The following LEF1 variants were observed in gnomAD, a reference collection of about 807,000 sequenced individuals.
LEF1 encodes the protein lymphoid enhancer binding factor 1.
Under a neutral mutation model 51.2 loss-of-function variants are expected in LEF1, and 14 were observed. The ratio of observed to expected loss-of-function variants is 0.27; its 90% CI spans 0.18 to 0.43. The LOEUF is 0.43. Among genes scored for constraint, LEF1 ranks in the 20% least tolerant of loss-of-function variants. The probability of loss-of-function intolerance (pLI) is 1.00; values close to 1 mark genes in which losing one functional copy is unlikely to be tolerated. For synonymous variants in LEF1, 185 were observed against 183.2 expected (o/e 1.01, Z -0.08); for missense variants, 386 against 512.0 (o/e 0.75, Z 2.37).
intron 3 of LEF1, among the ~76,000 whole-genome samples, chr4:108,157,356 C>G (rs1744799476): frequency 6.6e-6 from 1 of 152,016 alleles, no homozygotes; most frequent in South Asian, 2.1e-4. Flanking sequence ...CCAAGCCCAG[C>G]TAATTTTTGT....
At position 108,064,351 on chromosome 4, in the gene LEF1, G is replaced by A. The variant is rs759447310; in HGVS notation, c.1150C>T (p.Gln384Ter). ...TGGTGCCTACCTGATGCAGATTCCT[G>A]TAGTTTCTCTCTCTTCCTCTTCTTT... ...KKKKRKREKL[Q>*]ESASGTGPRM... The change falls in exon 10 of 12, where the codon CAG becomes TAG. Residue 384 changes from glutamine to a stop codon, truncating the protein, a stop_gained. Coordinates refer to ENST00000265165, the MANE Select transcript of LEF1 (RefSeq NM_016269.5). LOFTEE classifies it high-confidence loss of function. The A allele has an allele frequency of 2.5e-6, 4 of 1,612,138 alleles. No individual in the cohort carries two copies. Among genetic ancestry groups the A allele is most frequent in the Non-Finnish European group, 3.4e-6 (4 of 1,178,266 alleles).
At chr4:108,081,562 G>A (rs531749886) in intron 6 of LEF1, 24 bp downstream of exon 6, 34 of 1,595,548 alleles carry the variant, frequency 2.1e-5, no homozygotes, top group Middle Eastern at 1.7e-4. Flanking sequence ...GTCCTCGAGC[G>A]CCCCAGTTTC....
chr4:108,120,427 T>C (rs1337198891), intron 3 of LEF1, among the ~76,000 whole-genome samples: 1 of 152,240 alleles, frequency 6.6e-6, no homozygotes, highest in Non-Finnish European at 1.5e-5. Context: ...CTGTGAAGTA[T>C]ATGTAGAAAT....
intron 2 of LEF1, 118 bp from the exon 3 acceptor site, chr4:108,163,819 T>C (rs751238667): frequency 4.9e-6 from 5 of 1,012,012 alleles, no homozygotes; most frequent in African/African-American, 3.3e-5. Flanking sequence ...AAGATTTGTT[T>C]ACAAAATACT....
At chr4:108,087,009 C>T (rs181359292) in intron 4 of LEF1, among the ~76,000 whole-genome samples, 1 of 151,938 alleles carries the variant, frequency 6.6e-6, no homozygotes, top group East Asian at 1.9e-4. Flanking sequence ...CTGGCTGAGG[C>T]GGAGGGGTTG....
chr4:108,123,432 GTTTTTTTT>G lies in LEF1; in HGVS notation c.415-34183_415-34176del, dbSNP rs34015287. 5.2e-4 allele frequency among the ~76,000 whole-genome samples: 38 copies of G among 72,384 alleles called. 1 individual carries two copies. The highest frequency in any genetic ancestry group is 3.2e-3 in the Admixed American group (19 of 6,004). 47.5% of individuals were successfully genotyped at this position (72,384 alleles called of 152,430 possible). On this transcript the variant is annotated intron_variant, in intron 3 of 11. Coordinates refer to ENST00000265165, the MANE Select transcript of LEF1 (RefSeq NM_016269.5). ...GGACCCCAGCTTTCTGCTAGGGTTG[GTTTTTTTT>G]TTTTTTTTTTTTTTTTTTTAAACCT...
rs770443561 is a variant in LEF1, at chr4:108,165,183, C to T, written c.214-20G>A. On this transcript the variant is annotated intron_variant, in intron 1 of 11. Coordinates refer to ENST00000265165, the MANE Select transcript of LEF1 (RefSeq NM_016269.5). ...GGCCACCTAACATCATGAATCCCCA[C>T]ACCCAAAAGAAAGAAAATCACCTTA... 3.7e-6 allele frequency: 6 copies of T among 1,611,528 alleles called. No homozygotes were observed. The highest frequency in any genetic ancestry group is 2.2e-5 in the South Asian group (2 of 91,028).
intron 9 of LEF1, among the ~76,000 whole-genome samples, chr4:108,068,493 C>A: frequency 6.6e-6 from 1 of 152,146 alleles, no homozygotes; most frequent in East Asian, 1.9e-4. Context: ...TAATAGTATT[C>A]ATTCCACCAC....
chr4:108,101,174 T>C (rs1279284757), intron 3 of LEF1, among the ~76,000 whole-genome samples: 1 of 152,236 alleles, frequency 6.6e-6, no homozygotes. Flanking sequence ...AAAGTGTTAA[T>C]GTAAGGCATA....
chr4:108,167,883 A>C lies in LEF1; in HGVS notation c.-116T>G, dbSNP rs1745517818. The C allele has an allele frequency of 1.2e-6, 1 of 810,808 alleles. No individual in the cohort carries two copies. The highest frequency in any genetic ancestry group is 2.7e-5 in the South Asian group (1 of 36,668). 50.2% of individuals were successfully genotyped at this position (810,808 alleles called of 1,614,324 possible). On this transcript the variant is annotated 5_prime_UTR_variant, in exon 1 of 12. Transcript: ENST00000265165. This position sits in a 1 kb window ranked among gnomAD's most constrained non-coding sequence, Gnocchi z 5.7. The stretch of plus-strand genomic sequence containing the variant: ...GGAGAGTTGGAAGGGTTCGTGCAGC[A>C]GGACAGCGGGCGGAAGCGGGGCGGG...
intron 3 of LEF1, among the ~76,000 whole-genome samples, chr4:108,109,224 C>G (rs573247841): frequency 1.2e-4 from 18 of 152,250 alleles, no homozygotes; most frequent in Non-Finnish European, 2.4e-4. Flanking sequence ...TCAACTATTA[C>G]GTCTCAGTGT....
At chr4:108,125,911 A>G (rs992099393) in intron 3 of LEF1, among the ~76,000 whole-genome samples, 1 of 152,244 alleles carries the variant, frequency 6.6e-6, no homozygotes, top group Non-Finnish European at 1.5e-5. Flanking sequence ...GTTACTAATC[A>G]TAACAGTGTT....
intron 3 of LEF1, among the ~76,000 whole-genome samples, chr4:108,109,607 T>G (rs1354614868): frequency 6.6e-6 from 1 of 152,224 alleles, no homozygotes; most frequent in African/African-American, 2.4e-5. Flanking sequence ...GCAAGTACTA[T>G]GTAAGTGTTA....
At chr4:108,151,620 T>C (rs1312109210) in intron 3 of LEF1, among the ~76,000 whole-genome samples, 1 of 152,136 alleles carries the variant, frequency 6.6e-6, no homozygotes, top group Non-Finnish European at 1.5e-5. Context: ...TTCTCTATAC[T>C]TCAGTTCCCT....
rs767424139 is a variant in LEF1 at position 108,163,741 on chromosome 4, C to T, written c.281-40G>A. 34 of 1,598,484 alleles carry T rather than the reference C, an allele frequency of 2.1e-5. 1 individual carries two copies. The highest frequency in any genetic ancestry group is 2.1e-4 in the Admixed American group (12 of 57,720). ...AGAACAATCAATGATGCACTGACTTCCCTTTTATATTACTGTATTTTTCAT... is the reference window on the plus strand; with the variant it reads ...AGAACAATCAATGATGCACTGACTTTCCTTTTATATTACTGTATTTTTCAT... On this transcript the variant is annotated intron_variant, in intron 2 of 11. Transcript: ENST00000265165.
In LEF1 at chr4:108,078,203, A is replaced by G. The variant is rs970299388; in HGVS notation, c.1008+17T>C. 8.7e-6 allele frequency: 14 copies of G among 1,612,408 alleles called. No individual in the cohort carries two copies. Among genetic ancestry groups the G allele is most frequent in the Non-Finnish European group, 1.2e-5 (14 of 1,179,166 alleles). The stretch of plus-strand genomic sequence containing the variant: ...CCATGGCTACCATGAACATTTACAC[A>G]TGACTCGGCTACTTACCCTTCTGCC... On this transcript the variant is annotated intron_variant, in intron 8 of 11. Transcript: ENST00000265165.
chr4:108,117,935 A>G (rs1324593274), intron 3 of LEF1, among the ~76,000 whole-genome samples: 1 of 152,248 alleles, frequency 6.6e-6, no homozygotes, highest in Non-Finnish European at 1.5e-5. Context: ...CAGTGATAAC[A>G]GCCACAATTA....
At chr4:108,133,419 C>T (rs533853843) in intron 3 of LEF1, among the ~76,000 whole-genome samples, 14 of 152,280 alleles carry the variant, frequency 9.2e-5, no homozygotes, top group African/African-American at 3.1e-4. Flanking sequence ...TCATTAGGTG[C>T]CTGTACTCTC....
intron 3 of LEF1, among the ~76,000 whole-genome samples, chr4:108,137,915 TC>T (rs1743400704): frequency 6.6e-6 from 1 of 152,198 alleles, no homozygotes; most frequent in African/African-American, 2.4e-5. Context: ...ATATATAATT[TC>T]CTTTAGTATA....
Sources: gnomAD v4.1 joint callset for allele counts (sites outside exome capture counted in the v4.1 genomes callset) on GRCh38, gnomAD v4.1.1 for gene constraint, Gnocchi (gnomAD v3.1) non-coding constraint, MANE v1.5 for transcripts, NCBI Gene and HGNC (gene_info 2026-07-23, HGNC 2026-07-21) for gene names.